The following ANGPT1 variants were observed in gnomAD, a reference collection of about 807,000 sequenced individuals.
ANGPT1 encodes the protein angiopoietin 1.
ANGPT1 carries 17 observed loss-of-function variants against 62.2 expected under a neutral mutation model. The observed-to-expected ratio is 0.27, with a 90% CI of 0.19 to 0.41. ANGPT1 has a LOEUF of 0.41. ANGPT1 is among the 10% of genes least tolerant of loss of function. ANGPT1 has a pLI of 1.00. For missense variants in ANGPT1, 478 were observed against 594.9 expected, an observed-to-expected ratio of 0.80 and a Z score of 2.04; for synonymous variants, 199 against 198.9, an observed-to-expected ratio of 1.00 and a Z score of 0.00.
Position 107,299,081 on chromosome 8 carries a change from A to T in ANGPT1, c.936+4159T>A, listed in dbSNP as rs556871220. Among the ~76,000 whole-genome samples, 8 of 151,708 alleles carry T rather than the reference A, an allele frequency of 5.3e-5. No individual in the cohort carries two copies. The South Asian group carries it at 1.7e-3, about 32-fold the overall frequency. ...TGGGTTATAATGAGAACATGAATCAACTTACCTAATTTTCTAAAAATAAAC... is the reference window on the plus strand; with the variant it reads ...TGGGTTATAATGAGAACATGAATCATCTTACCTAATTTTCTAAAAATAAAC... On this transcript the variant is annotated intron_variant, in intron 5 of 8. Transcript: ENST00000517746.
At chr8:107,440,926 T>A (rs1041956876) in intron 1 of ANGPT1, among the ~76,000 whole-genome samples, 3 of 152,200 alleles carry the variant, frequency 2.0e-5, no homozygotes, top group African/African-American at 4.8e-5. Flanking sequence ...AAAGAGATAC[T>A]CTTTCCAAAT....
chr8:107,332,380 A>G (rs1014181034), intron 3 of ANGPT1, among the ~76,000 whole-genome samples: 2 of 152,210 alleles, frequency 1.3e-5, no homozygotes, highest in Non-Finnish European at 2.9e-5. Context: ...AAAGAAAAAC[A>G]TATTGCCTAA....
intron 7 of ANGPT1, among the ~76,000 whole-genome samples, chr8:107,280,896 AGGT>A (rs1563548056): frequency 2.0e-5 from 3 of 152,220 alleles, no homozygotes; most frequent in Non-Finnish European, 4.4e-5. Context: ...AGAGGCAGGA[AGGT>A]TCTATAATTG....
At chr8:107,283,836 C>G (rs1814073691) in intron 7 of ANGPT1, among the ~76,000 whole-genome samples, 1 of 152,148 alleles carries the variant, frequency 6.6e-6, no homozygotes, top group Non-Finnish European at 1.5e-5. Flanking sequence ...AGAAGAGTAA[C>G]TAAAATATCT....
intron 7 of ANGPT1, among the ~76,000 whole-genome samples, chr8:107,264,800 GTTTA>G (rs1393026593): frequency 1.1e-4 from 16 of 152,100 alleles, no homozygotes; most frequent in Admixed American, 8.5e-4. Context: ...GATTTCCAGT[GTTTA>G]TTTGATTAAA....
At chr8:107,377,262 A>C (rs547285190) in intron 1 of ANGPT1, among the ~76,000 whole-genome samples, 1 of 152,334 alleles carries the variant, frequency 6.6e-6, no homozygotes, top group East Asian at 1.9e-4. Flanking sequence ...CCTTTATTCT[A>C]AAATAACTAT....
intron 1 of ANGPT1, among the ~76,000 whole-genome samples, chr8:107,419,009 C>T (rs992584113): frequency 6.6e-6 from 1 of 152,136 alleles, no homozygotes; most frequent in African/African-American, 2.4e-5. Context: ...AACCAGTATC[C>T]TAAAGCCAAG....
At chr8:107,418,302 T>C (rs1043719923) in intron 1 of ANGPT1, among the ~76,000 whole-genome samples, 1 of 152,210 alleles carries the variant, frequency 6.6e-6, no homozygotes. Context: ...CTGAGTACGA[T>C]ATAAGCTTTG....
At chr8:107,291,776 C>T (rs962320962) in intron 6 of ANGPT1, among the ~76,000 whole-genome samples, 2 of 151,256 alleles carry the variant, frequency 1.3e-5, no homozygotes, top group Non-Finnish European at 2.9e-5. Context: ...TCTTTTATCC[C>T]TCATATATTT....
At chr8:107,281,696 T>A (rs1050260844) in intron 7 of ANGPT1, among the ~76,000 whole-genome samples, 1 of 152,034 alleles carries the variant, frequency 6.6e-6, no homozygotes, top group Non-Finnish European at 1.5e-5. Flanking sequence ...GAGAATTGCT[T>A]GAACCGGTGA....
chr8:107,456,127 T>A (rs1198795997), intron 1 of ANGPT1, among the ~76,000 whole-genome samples: 2 of 152,018 alleles, frequency 1.3e-5, no homozygotes, highest in African/African-American at 4.8e-5. Context: ...TTGAAAAAAC[T>A]TATTACAGGC....
chr8:107,360,076 G>A lies in ANGPT1; in HGVS notation c.298-12979C>T, dbSNP rs182315099. 3.9e-5 allele frequency among the ~76,000 whole-genome samples: 6 copies of A among 152,084 alleles called. No individual in the cohort carries two copies. In the South Asian group the frequency reaches 6.2e-4, roughly 16 times the overall value. ...CCCACTGGCTCAGCCAGTTTTCCTC[G>A]TCTAGTCTTACTCCCTACCTGCCAC... On this transcript the variant is annotated intron_variant, in intron 1 of 8. Transcript: ENST00000517746.
intron 1 of ANGPT1, among the ~76,000 whole-genome samples, chr8:107,377,778 C>T (rs58367511): frequency 3.3e-4 from 50 of 152,282 alleles, no homozygotes; most frequent in African/African-American, 1.2e-3. Flanking sequence ...AAGTCCAAAG[C>T]TTTCAATTAC....
At chr8:107,388,651 C>A (rs1242519836) in intron 1 of ANGPT1, among the ~76,000 whole-genome samples, 1 of 152,038 alleles carries the variant, frequency 6.6e-6, no homozygotes, top group East Asian at 1.9e-4. Flanking sequence ...CTAGAGTGGA[C>A]CTGCTTTATT....
chr8:107,391,556 A>G (rs1816836111), intron 1 of ANGPT1, among the ~76,000 whole-genome samples: 1 of 152,084 alleles, frequency 6.6e-6, no homozygotes, highest in African/African-American at 2.4e-5. Flanking sequence ...AACCCCAGCT[A>G]CTTGAGAGGC....
At chr8:107,397,274 C>A (rs1303999184) in intron 1 of ANGPT1, among the ~76,000 whole-genome samples, 1 of 152,072 alleles carries the variant, frequency 6.6e-6, no homozygotes, top group Non-Finnish European at 1.5e-5. Flanking sequence ...GTCCCCAAGG[C>A]CAATGTGCCA....
At chr8:107,254,897 G>C (rs1022460417) in intron 8 of ANGPT1, among the ~76,000 whole-genome samples, 2 of 151,962 alleles carry the variant, frequency 1.3e-5, no homozygotes, top group African/African-American at 2.4e-5. Flanking sequence ...AACCAGATCT[G>C]CTAGGTTAAA....
chr8:107,441,890 C>T (rs922219386), intron 1 of ANGPT1, among the ~76,000 whole-genome samples: 1 of 151,970 alleles, frequency 6.6e-6, no homozygotes, highest in African/African-American at 2.4e-5. Flanking sequence ...TCGAGACCAG[C>T]CTGACCAACA....
intron 1 of ANGPT1, among the ~76,000 whole-genome samples, chr8:107,391,990 A>T (rs922878498): frequency 3.3e-5 from 5 of 152,184 alleles, no homozygotes; most frequent in African/African-American, 4.8e-5. Context: ...CACTGATGGA[A>T]ATGTTGTTAT....
Sources: allele counts gnomAD v4.1 joint callset (sites outside exome capture counted in the v4.1 genomes callset), GRCh38; gene constraint gnomAD v4.1.1; transcripts MANE v1.5; gene names NCBI Gene and HGNC (gene_info 2026-07-23, HGNC 2026-07-21).